The following SLC39A11 variants were observed in gnomAD, a reference collection of about 807,000 sequenced individuals.
The protein encoded by SLC39A11 is solute carrier family 39 member 11, also known as zinc transporter ZIP11.
SLC39A11 carries 33 observed loss-of-function variants against 36.1 expected under a neutral mutation model. The ratio of observed to expected loss-of-function variants is 0.91; its 90% confidence interval spans 0.69 to 1.22. SLC39A11 has a LOEUF of 1.22. SLC39A11 is among the 50% of genes most tolerant of loss of function. SLC39A11 has a pLI of 0.00. For missense variants in SLC39A11, 432 were observed against 430.3 expected (o/e 1.00, Z -0.03); for synonymous variants, 166 against 170.3 (o/e 0.97, Z 0.20).
chr17:72,686,021 G>A (rs1363123004), intron 7 of SLC39A11, among the ~76,000 whole-genome samples: 1 of 149,888 alleles, frequency 6.7e-6, no homozygotes, highest in Admixed American at 6.6e-5. Flanking sequence ...AGGTGACTGA[G>A]ACTCTGTCTT....
intron 7 of SLC39A11, among the ~76,000 whole-genome samples, chr17:72,733,967 T>C (rs1320263787): frequency 6.6e-6 from 1 of 152,116 alleles, no homozygotes; most frequent in Non-Finnish European, 1.5e-5. Context: ...CCTCCTTGTG[T>C]CAACAGGCAC....
intron 6 of SLC39A11, among the ~76,000 whole-genome samples, chr17:72,836,013 C>A (rs1049326348): frequency 5.9e-5 from 9 of 152,132 alleles, no homozygotes; most frequent in Admixed American, 5.9e-4. Flanking sequence ...GCCTCACAGG[C>A]ATTCATTTTA....
At chr17:72,986,631 C>G (rs1325915151) in intron 4 of SLC39A11, among the ~76,000 whole-genome samples, 1 of 152,172 alleles carries the variant, frequency 6.6e-6, no homozygotes, top group Non-Finnish European at 1.5e-5. Flanking sequence ...AGTCTTGGGC[C>G]CCAACCCAGA....
chr17:72,665,389 G>GTT lies in SLC39A11; in HGVS notation c.672-16123_672-16122dup, dbSNP rs780329919. ...GGTTTAAGCCACCAAGTTTTGAGGT[G>GTT]TTTTTTTTTTTTTTTTTTTTTGAGA... is the stretch of plus-strand genomic sequence containing the variant. On this transcript the variant is annotated intron_variant, in intron 7 of 9. Coordinates refer to ENST00000255559, the MANE Select transcript of SLC39A11 (RefSeq NM_139177.4). Among the ~76,000 whole-genome samples the GTT allele has an allele frequency of 1.3e-3, 96 of 76,594 alleles. 1 individual carries two copies. Among genetic ancestry groups the GTT allele is most frequent in the East Asian group, 0.011 (31 of 2,730 alleles). The allele number at this position is 76,594 out of a possible 152,430, so 50.2% of individuals were successfully genotyped here. A position where few individuals can be genotyped will look rare whatever the true frequency, so the allele number is the denominator to read the frequency against.
chr17:72,662,117 T>A (rs1014813403), intron 7 of SLC39A11, among the ~76,000 whole-genome samples: 6 of 151,898 alleles, frequency 4.0e-5, no homozygotes, highest in African/African-American at 1.5e-4. Flanking sequence ...AAAAGACACA[T>A]CTTAAACTGG....
chr17:72,910,018 T>C (rs1030950583), intron 5 of SLC39A11, among the ~76,000 whole-genome samples: 3 of 152,114 alleles, frequency 2.0e-5, no homozygotes, highest in East Asian at 3.9e-4. Flanking sequence ...TCCCAAAGTG[T>C]TGGGATTACA....
chr17:72,696,658 C>A (rs1390111757), intron 7 of SLC39A11, among the ~76,000 whole-genome samples: 1 of 152,218 alleles, frequency 6.6e-6, no homozygotes, highest in Non-Finnish European at 1.5e-5. Context: ...TTCTTCCAAT[C>A]TACTGCCACA....
chr17:72,870,013 CTTTT>C (rs1198543006), intron 5 of SLC39A11, among the ~76,000 whole-genome samples: 1 of 151,126 alleles, frequency 6.6e-6, no homozygotes, highest in Admixed American at 6.6e-5. Context: ...TTGCAGCTTG[CTTTT>C]TTTTTCTTCT....
At chr17:72,955,924 C>T (rs116685338) in intron 4 of SLC39A11, among the ~76,000 whole-genome samples, 280 of 152,104 alleles carry the variant, frequency 1.8e-3, no homozygotes, top group African/African-American at 6.4e-3. Flanking sequence ...CCACCCCTGC[C>T]GTCTATCCTC....
intron 6 of SLC39A11, among the ~76,000 whole-genome samples, chr17:72,745,083 C>T (rs1455318697): frequency 6.6e-6 from 1 of 152,260 alleles, no homozygotes; most frequent in Non-Finnish European, 1.5e-5. Flanking sequence ...CTCAAGCGAT[C>T]TGCCTGCCTC....
chr17:72,868,618 CAAAAAAAAAAAA>C (rs71354894), intron 5 of SLC39A11, among the ~76,000 whole-genome samples: 168 of 56,496 alleles, frequency 3.0e-3, no homozygotes, highest in African/African-American at 8.8e-3. Flanking sequence ...CCTGTCTCTA[CAAAAAAAAAAAA>C]AAAAAAAAAA....
intron 6 of SLC39A11, among the ~76,000 whole-genome samples, chr17:72,808,456 T>C (rs746088290): frequency 5.3e-5 from 8 of 152,224 alleles, no homozygotes; most frequent in Admixed American, 2.6e-4. Context: ...ATCCCCTTCC[T>C]GTTCAGGGAC....
chr17:73,042,521 C>G (rs572151809), intron 3 of SLC39A11, among the ~76,000 whole-genome samples: 35 of 152,286 alleles, frequency 2.3e-4, no homozygotes, highest in African/African-American at 7.5e-4. Flanking sequence ...CAGAAAGAGG[C>G]TGGGCATGGT....
chr17:72,789,867 A>G (rs35146735), intron 6 of SLC39A11, among the ~76,000 whole-genome samples: 66,636 of 152,076 alleles, frequency 0.44, 18,079 homozygotes, highest in Non-Finnish European at 0.61. Flanking sequence ...ATTCAGGAAC[A>G]TGGCCCAATT....
intron 7 of SLC39A11, among the ~76,000 whole-genome samples, chr17:72,661,120 C>T (rs1180154387): frequency 6.6e-6 from 1 of 152,218 alleles, no homozygotes; most frequent in African/African-American, 2.4e-5. Flanking sequence ...TGGGGCTGAG[C>T]AACCACCTTT....
chr17:72,651,866 T>C (rs1375525303), intron 7 of SLC39A11, among the ~76,000 whole-genome samples: 1 of 152,188 alleles, frequency 6.6e-6, no homozygotes, highest in East Asian at 1.9e-4. Context: ...GCCCAGGACA[T>C]GTCCACAAAA....
chr17:73,012,257 G>C (rs1242620978), intron 4 of SLC39A11, among the ~76,000 whole-genome samples: 1 of 152,002 alleles, frequency 6.6e-6, no homozygotes, highest in African/African-American at 2.4e-5. Context: ...TCCTGTGACA[G>C]AGCAAGACTC....
intron 1 of SLC39A11, among the ~76,000 whole-genome samples, chr17:73,091,443 CA>C (rs982350026): frequency 4.8e-5 from 7 of 146,890 alleles, no homozygotes; most frequent in Non-Finnish European, 7.5e-5. Context: ...GGCTCTGTCT[CA>C]AAAAAAAATA....
chr17:72,928,908 T>C (rs900845548), intron 5 of SLC39A11, among the ~76,000 whole-genome samples: 1 of 152,240 alleles, frequency 6.6e-6, no homozygotes, highest in Non-Finnish European at 1.5e-5. Flanking sequence ...TGCCAGGCAC[T>C]GCACTGGGCC....
Sources: gnomAD v4.1 joint callset for allele counts (sites outside exome capture counted in the v4.1 genomes callset) on GRCh38, gnomAD v4.1.1 for gene constraint, MANE v1.5 for transcripts, NCBI Gene and HGNC (gene_info 2026-07-23, HGNC 2026-07-21) for gene names.